Variants in CTNNA2 observed in about 807,000 individuals in gnomAD.
CTNNA2 encodes catenin alpha 2.
A neutral mutation model predicts 101.0 loss-of-function variants in CTNNA2; 42 were observed. The ratio of observed to expected loss-of-function variants is 0.42; its 90% CI spans 0.32 to 0.54. The LOEUF (loss-of-function observed/expected upper bound fraction) is 0.54, where lower values mean the gene tolerates loss of function less well. CTNNA2 is among the 20% of genes least tolerant of loss of function. The probability of loss-of-function intolerance (pLI) is 0.14; values close to 1 mark genes in which losing one functional copy is unlikely to be tolerated. For synonymous variants in CTNNA2, 450 were observed against 456.4 expected, an observed-to-expected ratio of 0.99 and a Z score of 0.18; for missense variants, 871 against 1,223.1, an observed-to-expected ratio of 0.71 and a Z score of 4.29.
At chr2:80,265,076 G>A (rs1459270545) in intron 7 of CTNNA2, among the ~76,000 whole-genome samples, 1 of 151,192 alleles carries the variant, frequency 6.6e-6, no homozygotes, top group Non-Finnish European at 1.5e-5. Flanking sequence ...CTGGGTTCAA[G>A]CAATTCTCCT....
intron 4 of CTNNA2, among the ~76,000 whole-genome samples, chr2:79,457,713 C>A (rs939247439): frequency 6.6e-6 from 1 of 152,162 alleles, no homozygotes; most frequent in African/African-American, 2.4e-5. Flanking sequence ...AGAGACAGTG[C>A]AGTAGGTTGA....
chr2:79,354,003 A>T (rs1206528759), intron 3 of CTNNA2, among the ~76,000 whole-genome samples: 1 of 152,068 alleles, frequency 6.6e-6, no homozygotes, highest in Non-Finnish European at 1.5e-5. Flanking sequence ...ATAGTCCCCC[A>T]GTCTATTCTG....
At chr2:80,232,381 T>G (rs1455686902) in intron 7 of CTNNA2, among the ~76,000 whole-genome samples, 2 of 79,774 alleles carry the variant, frequency 2.5e-5, no homozygotes, top group Admixed American at 1.3e-4. Flanking sequence ...TTTTTTTTTT[T>G]TTTTTTTGTT....
At chr2:80,037,461 A>G (rs543935177) in intron 7 of CTNNA2, among the ~76,000 whole-genome samples, 1 of 152,320 alleles carries the variant, frequency 6.6e-6, no homozygotes, top group Admixed American at 6.5e-5. Context: ...ACTCGAAGGC[A>G]AGTGATCCTT....
intron 3 of CTNNA2, among the ~76,000 whole-genome samples, chr2:79,793,187 TGCAGTATTGCAGTGCCA>T (rs1675419765): frequency 1.3e-5 from 2 of 152,228 alleles, no homozygotes; most frequent in African/African-American, 4.8e-5. Flanking sequence ...CTGCAGCATG[TGCAGTATTGCAGTGCCA>T]GCAAGCTAAC....
intron 11 of CTNNA2, 54 bp downstream of exon 11, chr2:80,546,117 G>C (rs765421707): frequency 7.7e-5 from 123 of 1,594,490 alleles, no homozygotes; most frequent in Non-Finnish European, 1.0e-4. Context: ...GTAACTGAAC[G>C]AGATAAGGAA....
At chr2:80,185,441 G>A (rs983152354) in intron 7 of CTNNA2, among the ~76,000 whole-genome samples, 1 of 152,134 alleles carries the variant, frequency 6.6e-6, no homozygotes, top group Non-Finnish European at 1.5e-5. Flanking sequence ...CCACACTCAG[G>A]AAAAGGAATT....
At chr2:80,210,476 TC>T (rs1707814670) in intron 7 of CTNNA2, among the ~76,000 whole-genome samples, 1 of 152,176 alleles carries the variant, frequency 6.6e-6, no homozygotes, top group African/African-American at 2.4e-5. Flanking sequence ...TGATTTTCTG[TC>T]CTTGCGATAG....
At chr2:79,595,296 G>A (rs528055387) in intron 1 of CTNNA2, among the ~76,000 whole-genome samples, 1 of 151,914 alleles carries the variant, frequency 6.6e-6, no homozygotes. Flanking sequence ...GTATGTTCCC[G>A]TGGTAATTTA....
chr2:79,461,003 A>G (rs1423905912), intron 4 of CTNNA2, among the ~76,000 whole-genome samples: 1 of 147,762 alleles, frequency 6.8e-6, no homozygotes, highest in Non-Finnish European at 1.5e-5. Context: ...CACCACGCCC[A>G]GCTAATTTTT....
At chr2:80,163,301 T>G (rs939285258) in intron 7 of CTNNA2, among the ~76,000 whole-genome samples, 1 of 151,992 alleles carries the variant, frequency 6.6e-6, no homozygotes, top group Non-Finnish European at 1.5e-5. Context: ...CTTGGTCATT[T>G]TATATATATA....
chr2:80,640,522 CTTGAG>C (rs1175907706), intron 18 of CTNNA2, among the ~76,000 whole-genome samples: 5 of 152,110 alleles, frequency 3.3e-5, no homozygotes, highest in African/African-American at 1.2e-4. Flanking sequence ...TCTTTGTTTG[CTTGAG>C]TTATTTATTA....
chr2:80,474,967 A>C lies in CTNNA2; in HGVS notation c.1290+55366A>C, dbSNP rs377695354. ...CAAAATAGTCATTCTTAAGACCAAA[A>C]AAATTATCTCACAGGCCCAGATCTC... is the stretch of plus-strand genomic sequence containing the variant. On this transcript the variant is annotated intron_variant, in intron 9 of 18. Transcript: ENST00000402739. Among the ~76,000 whole-genome samples the C allele has an allele frequency of 9.2e-5, 14 of 152,264 alleles. 1 individual carries two copies. The South Asian group carries it at 1.2e-3, about 14-fold the overall frequency.
chr2:80,408,894 C>G (rs765308521), intron 8 of CTNNA2, among the ~76,000 whole-genome samples: 1 of 152,142 alleles, frequency 6.6e-6, no homozygotes, highest in East Asian at 1.9e-4. Flanking sequence ...AGAGGATCCT[C>G]TCTTTCCTCA....
intron 7 of CTNNA2, among the ~76,000 whole-genome samples, chr2:80,242,233 A>G (rs1397487941): frequency 2.0e-5 from 3 of 152,176 alleles, no homozygotes; most frequent in Non-Finnish European, 4.4e-5. Context: ...GTTTTCTCTC[A>G]TGGACATTGG....
intron 1 of CTNNA2, among the ~76,000 whole-genome samples, chr2:79,573,278 C>G (rs1438253607): frequency 4.6e-5 from 7 of 152,160 alleles, no homozygotes; most frequent in Non-Finnish European, 1.0e-4. Context: ...GTCTCCATAA[C>G]GATAGGCAAC....
chr2:80,224,431 ATTTATTTTTATT>A (rs556044425), intron 7 of CTNNA2, among the ~76,000 whole-genome samples: 2 of 151,888 alleles, frequency 1.3e-5, no homozygotes, highest in African/African-American at 2.4e-5. Context: ...CTACAGCTGC[ATTTATTTTTATT>A]TTTATTTTTA....
intron 7 of CTNNA2, among the ~76,000 whole-genome samples, chr2:80,013,837 T>C (rs1465661548): frequency 6.6e-6 from 1 of 152,210 alleles, no homozygotes; most frequent in Non-Finnish European, 1.5e-5. Context: ...CTCCTGAGGA[T>C]TGCCTCTAGA....
chr2:79,582,699 GC>G (rs1229573925), intron 1 of CTNNA2, among the ~76,000 whole-genome samples: 1 of 152,058 alleles, frequency 6.6e-6, no homozygotes, highest in African/African-American at 2.4e-5. Context: ...TATTGCATGT[GC>G]CATATCTTCT....
Sources: allele counts gnomAD v4.1 joint callset (sites outside exome capture counted in the v4.1 genomes callset), GRCh38; gene constraint gnomAD v4.1.1; transcripts MANE v1.5; gene names NCBI Gene and HGNC (gene_info 2026-07-23, HGNC 2026-07-21).